Variants in GRID1 observed in about 807,000 individuals in gnomAD.
The protein encoded by GRID1 is glutamate receptor ionotropic, delta-1.
A neutral mutation model predicts 98.0 loss-of-function variants in GRID1; 28 were observed. The ratio of observed to expected loss-of-function variants is 0.29; its 90% CI spans 0.21 to 0.39. The LOEUF (loss-of-function observed/expected upper bound fraction) is 0.39, where lower values mean the gene tolerates loss of function less well. Ranked by LOEUF, GRID1 falls within the 10% of genes least tolerant of loss-of-function variation. The pLI is 1.00. For synonymous variants in GRID1, 553 were observed against 538.5 expected, an observed-to-expected ratio of 1.03 and a Z score of -0.37; for missense variants, 1,111 against 1,340.5, an observed-to-expected ratio of 0.83 and a Z score of 2.67.
chr10:85,742,238 C>A (rs558911311), intron 8 of GRID1, among the ~76,000 whole-genome samples: 1 of 152,088 alleles, frequency 6.6e-6, no homozygotes, highest in South Asian at 2.1e-4. Context: ...ATGGATAGTT[C>A]TTTAACTATT....
chr10:85,862,136 T>G (rs570779206), intron 6 of GRID1, among the ~76,000 whole-genome samples: 2 of 152,302 alleles, frequency 1.3e-5, no homozygotes, highest in African/African-American at 4.8e-5. Flanking sequence ...TCTGAGCCTG[T>G]GCACATGCCA....
At chr10:85,987,807 T>C (rs1842631298) in intron 4 of GRID1, among the ~76,000 whole-genome samples, 1 of 151,764 alleles carries the variant, frequency 6.6e-6, no homozygotes, top group South Asian at 2.1e-4. Context: ...ACCTTGCATC[T>C]GAATGGGGTC....
chr10:85,761,630 G>A (rs534750156), intron 8 of GRID1, among the ~76,000 whole-genome samples: 10 of 152,352 alleles, frequency 6.6e-5, no homozygotes, highest in Non-Finnish European at 1.0e-4. Flanking sequence ...ATGACAAGGA[G>A]TTCTAAACGG....
chr10:86,207,754 C>T (rs917036409), intron 2 of GRID1, among the ~76,000 whole-genome samples: 3 of 151,530 alleles, frequency 2.0e-5, no homozygotes, highest in African/African-American at 4.9e-5. Flanking sequence ...GCCTCAGCCT[C>T]CCCTGTAGCT....
At chr10:85,998,620 A>G (rs887124204) in intron 4 of GRID1, among the ~76,000 whole-genome samples, 1 of 152,190 alleles carries the variant, frequency 6.6e-6, no homozygotes, top group Non-Finnish European at 1.5e-5. Context: ...ACTCCATAAC[A>G]GGCAGATGGA....
At chr10:86,134,032 G>A (rs1362018212) in intron 4 of GRID1, among the ~76,000 whole-genome samples, 7 of 152,240 alleles carry the variant, frequency 4.6e-5, no homozygotes, top group African/African-American at 9.6e-5. Flanking sequence ...GCCTATGTAC[G>A]GTAGAGACAG....
At chr10:85,863,176 G>A (rs1405315062) in intron 6 of GRID1, among the ~76,000 whole-genome samples, 12 of 152,174 alleles carry the variant, frequency 7.9e-5, no homozygotes, top group South Asian at 2.1e-4. Flanking sequence ...ACTTCTCACC[G>A]TTCTGAAGCC....
intron 4 of GRID1, among the ~76,000 whole-genome samples, chr10:85,919,818 G>A (rs1483603869): frequency 6.6e-6 from 1 of 152,204 alleles, no homozygotes; most frequent in Non-Finnish European, 1.5e-5. Context: ...CTGAGCTGCA[G>A]TTTCCACACC....
chr10:85,889,751 C>T (rs1366039033), intron 5 of GRID1, among the ~76,000 whole-genome samples: 5 of 152,080 alleles, frequency 3.3e-5, no homozygotes, highest in Non-Finnish European at 7.4e-5. Context: ...TTTGAGAAAC[C>T]TCTATACTGT....
At chr10:85,632,387 T>C (rs1296078780) in intron 13 of GRID1, among the ~76,000 whole-genome samples, 2 of 152,138 alleles carry the variant, frequency 1.3e-5, no homozygotes, top group Admixed American at 6.5e-5. Flanking sequence ...TCAGAAGCCA[T>C]AAGGATCACC....
chr10:85,767,560 AT>A (rs947172786), intron 8 of GRID1, among the ~76,000 whole-genome samples: 29 of 152,308 alleles, frequency 1.9e-4, no homozygotes, highest in African/African-American at 7.0e-4. Flanking sequence ...AGTCATTTTC[AT>A]TTTGCTGAAG....
chr10:86,073,467 A>C (rs1843833068), intron 4 of GRID1, among the ~76,000 whole-genome samples: 1 of 152,210 alleles, frequency 6.6e-6, no homozygotes, highest in Non-Finnish European at 1.5e-5. Context: ...GCACCCCAAC[A>C]GTATAACTGT....
chr10:85,742,096 G>C (rs1841949462), intron 8 of GRID1, among the ~76,000 whole-genome samples: 1 of 152,150 alleles, frequency 6.6e-6, no homozygotes, highest in African/African-American at 2.4e-5. Flanking sequence ...ACTGTGAAAA[G>C]CACCTTCCAC....
intron 3 of GRID1, among the ~76,000 whole-genome samples, chr10:86,143,548 C>T (rs1008442035): frequency 2.6e-5 from 4 of 152,168 alleles, no homozygotes; most frequent in African/African-American, 9.7e-5. Flanking sequence ...GACTTTGTCC[C>T]AGGGCCTCCC....
chr10:85,620,630 G>A (rs1298338404), intron 13 of GRID1, among the ~76,000 whole-genome samples: 3 of 152,138 alleles, frequency 2.0e-5, no homozygotes, highest in African/African-American at 7.2e-5. Flanking sequence ...AAATCCATTA[G>A]GGACAGGGCT....
chr10:85,997,800 A>G (rs552723252), intron 4 of GRID1, among the ~76,000 whole-genome samples: 4 of 152,356 alleles, frequency 2.6e-5, no homozygotes, highest in Admixed American at 2.6e-4. Flanking sequence ...AAACAAGCAA[A>G]CCAATTACAT....
intron 15 of GRID1, among the ~76,000 whole-genome samples, chr10:85,612,498 G>C (rs1396543095): frequency 1.3e-5 from 2 of 152,106 alleles, no homozygotes; most frequent in Non-Finnish European, 1.5e-5. Flanking sequence ...TTTGATGCAG[G>C]TTGCTTTACC....
Position 86,347,165 on chromosome 10 carries a change from C to A in GRID1, c.235+16776G>T, listed in dbSNP as rs565119494. Among the ~76,000 whole-genome samples, 18 of 151,940 alleles carry A rather than the reference C, an allele frequency of 1.2e-4. No homozygotes were observed. In the South Asian group the frequency reaches 3.8e-3, roughly 32 times the overall value. ...CTCCTGTCCCCAAAGAGCTTTCCAG[C>A]CAGCACTGTTTGGGTCTCCTGGAGC... On this transcript the variant is annotated intron_variant, in intron 2 of 15. Transcript: ENST00000327946.
chr10:86,083,432 GAC>G (rs1844006084), intron 4 of GRID1, among the ~76,000 whole-genome samples: 1 of 152,204 alleles, frequency 6.6e-6, no homozygotes, highest in Non-Finnish European at 1.5e-5. Flanking sequence ...TGCACAATGT[GAC>G]ACACAGTTGG....
Sources: gnomAD v4.1 joint callset for allele counts (sites outside exome capture counted in the v4.1 genomes callset) on GRCh38, gnomAD v4.1.1 for gene constraint, MANE v1.5 for transcripts, NCBI Gene and HGNC (gene_info 2026-07-23, HGNC 2026-07-21) for gene names.